The following POLK variants were observed in gnomAD, a reference collection of about 807,000 sequenced individuals.
POLK encodes polymerase (DNA directed) kappa.
In POLK, 76 loss-of-function variants were observed where a neutral mutation model predicts 94.0. The ratio of observed to expected loss-of-function variants is 0.81; its 90% CI spans 0.67 to 0.98. The LOEUF (loss-of-function observed/expected upper bound fraction) is 0.98, where lower values mean the gene tolerates loss of function less well. Ranked by LOEUF, POLK falls within the 50% of genes least tolerant of loss-of-function variation. POLK has a pLI of 0.00. For synonymous variants in POLK, 349 were observed against 325.4 expected (o/e 1.07, Z -0.78); for missense variants, 954 against 1,010.1 (o/e 0.94, Z 0.75).
At chr5:75,563,100 T>G (rs112838224) in intron 3 of POLK, among the ~76,000 whole-genome samples, 1 of 152,156 alleles carries the variant, frequency 6.6e-6, no homozygotes, top group Admixed American at 6.5e-5. Context: ...CAGCTCCTCT[T>G]TGTACCTCTG....
intron 10 of POLK, among the ~76,000 whole-genome samples, chr5:75,589,163 A>C (rs1772620263): frequency 6.6e-6 from 1 of 152,138 alleles, no homozygotes; most frequent in Non-Finnish European, 1.5e-5. Context: ...ATAGAAAAAA[A>C]CTGTAATATC....
exon 1 of POLK, chr5:75,511,760 T>C: frequency 6.5e-7 from 1 of 1,550,034 alleles, no homozygotes; most frequent in Non-Finnish European, 8.7e-7. Context: ...GAACCCTACC[T>C]CCGGCTCTCC....
At chr5:75,597,854 A>T (rs1259717345) in intron 14 of POLK, 65 bp downstream of exon 14, 1 of 1,166,946 alleles carries the variant, frequency 8.6e-7, no homozygotes, top group Non-Finnish European at 1.2e-6. Context: ...TTTATAAATT[A>T]TTAAGTAATC....
chr5:75,581,339 C>T, exon 7 of POLK: 1 of 1,613,882 alleles, frequency 6.2e-7, no homozygotes, highest in Non-Finnish European at 8.5e-7. Flanking sequence ...AAGAACAAAA[C>T]AATCCTCAAA....
At chr5:75,595,248 GAAAAAAA>G (rs58783164) in intron 12 of POLK, among the ~76,000 whole-genome samples, 180 of 24,882 alleles carry the variant, frequency 7.2e-3, no homozygotes, top group African/African-American at 0.016. Flanking sequence ...CTCCACCTCA[GAAAAAAA>G]AAAAAAAAAA....
intron 3 of POLK, among the ~76,000 whole-genome samples, chr5:75,556,104 G>T (rs1039558473): frequency 6.6e-6 from 1 of 152,156 alleles, no homozygotes; most frequent in Admixed American, 6.5e-5. Context: ...CTTCCAAAGC[G>T]ACCATACCAT....
In POLK at chr5:75,559,523, G is replaced by GTTTTTT. The variant is rs775525619; in HGVS notation, c.255+6954_255+6959dup. 2.9e-3 allele frequency among the ~76,000 whole-genome samples: 156 copies of GTTTTTT among 54,676 alleles called. 5 individuals carry two copies. Among genetic ancestry groups the GTTTTTT allele is most frequent in the Admixed American group, 6.7e-3 (28 of 4,174 alleles). The allele number at this position is 54,676 out of a possible 152,430, so 35.9% of individuals were successfully genotyped here. ...GGGGTTTGTTTTTTTGTTTTGTTTT[G>GTTTTTT]TTTTTTTTTTTTTTTTTTTTTTTTT... On this transcript the variant is annotated intron_variant, in intron 3 of 14. Transcript: ENST00000241436.
chr5:75,515,080 C>G (rs1768260120), intron 1 of POLK, among the ~76,000 whole-genome samples: 1 of 152,092 alleles, frequency 6.6e-6, no homozygotes, highest in African/African-American at 2.4e-5. Flanking sequence ...TGTACACTAG[C>G]AAATATATGT....
At chr5:75,513,349 C>T (rs1029682392) in intron 1 of POLK, among the ~76,000 whole-genome samples, 4 of 152,038 alleles carry the variant, frequency 2.6e-5, no homozygotes, top group African/African-American at 9.7e-5. Context: ...TCTAGGACTC[C>T]TTTATCTGTT....
intron 1 of POLK, among the ~76,000 whole-genome samples, chr5:75,526,703 T>G (rs1245180352): frequency 6.6e-6 from 1 of 151,134 alleles, no homozygotes; most frequent in Admixed American, 6.6e-5. Context: ...TGCCTTAGCC[T>G]CCTGAGTAGC....
chr5:75,599,439 T>G (rs1773241195), exon 15 of POLK: 1 of 152,148 alleles, frequency 6.6e-6, no homozygotes, highest in South Asian at 2.1e-4. Context: ...ACTCACAGAC[T>G]TTGACAAAGT....
At chr5:75,608,147 C>T in the POLK span, among the ~76,000 whole-genome samples, 3 of 152,004 alleles carry the variant, frequency 2.0e-5, no homozygotes, top group Non-Finnish European at 2.9e-5. Context: ...ATACTTATTG[C>T]AGGTCGGGTA....
chr5:75,520,230 A>G (rs994457712), intron 1 of POLK, among the ~76,000 whole-genome samples: 4 of 152,106 alleles, frequency 2.6e-5, no homozygotes, highest in African/African-American at 9.7e-5. Flanking sequence ...CAACTTACAT[A>G]TTTTTATATT....
At chr5:75,595,248 G>GAAAAAAAAAAAAAA (rs58783164) in intron 12 of POLK, among the ~76,000 whole-genome samples, 298 of 24,882 alleles carry the variant, frequency 0.012, 57 homozygotes, top group African/African-American at 0.023. Context: ...CTCCACCTCA[G>GAAAAAAAAAAAAAA]AAAAAAAAAA....
intron 1 of POLK, among the ~76,000 whole-genome samples, chr5:75,520,687 CA>C (rs1358768827): frequency 6.6e-6 from 1 of 152,218 alleles, no homozygotes; most frequent in Non-Finnish European, 1.5e-5. Context: ...GCATGAACCA[CA>C]GTGCCTGTAA....
chr5:75,532,752 AT>A (rs956070952), intron 1 of POLK, among the ~76,000 whole-genome samples: 3 of 152,102 alleles, frequency 2.0e-5, no homozygotes, highest in Non-Finnish European at 2.9e-5. Context: ...AGCATCTGTT[AT>A]TTTTTGATTT....
chr5:75,541,625 C>T (rs1004691343), intron 1 of POLK, among the ~76,000 whole-genome samples: 3 of 152,048 alleles, frequency 2.0e-5, no homozygotes, highest in African/African-American at 7.2e-5. Flanking sequence ...AGTGTATATA[C>T]TCTTGGTTTA....
chr5:75,576,975 A>G, intron 6 of POLK, 42 bp downstream of exon 6: 3 of 1,290,534 alleles, frequency 2.3e-6, no homozygotes, highest in Non-Finnish European at 3.2e-6. Context: ...AAGCAGTGAA[A>G]AAAAAAAACC....
intron 3 of POLK, among the ~76,000 whole-genome samples, chr5:75,553,088 T>C (rs1770415044): frequency 6.6e-6 from 1 of 152,216 alleles, no homozygotes; most frequent in South Asian, 2.1e-4. Context: ...ATGCCAAATG[T>C]ACATGAACTT....
Sources: gnomAD v4.1 joint callset for allele counts (sites outside exome capture counted in the v4.1 genomes callset) on GRCh38, gnomAD v4.1.1 for gene constraint, MANE v1.5 for transcripts, NCBI Gene and HGNC (gene_info 2026-07-23, HGNC 2026-07-21) for gene names.